Variants in FUT8 observed in about 807,000 individuals in gnomAD.
FUT8 encodes the protein alpha-(1,6)-fucosyltransferase.
A neutral mutation model predicts 71.3 loss-of-function variants in FUT8; 29 were observed. That is an observed-to-expected ratio of 0.41 (90% CI 0.30 to 0.55). FUT8 has a LOEUF of 0.55. Ranked by LOEUF, FUT8 falls within the 20% of genes least tolerant of loss-of-function variation. The pLI is 0.34. For synonymous variants in FUT8, 254 were observed against 239.3 expected (o/e 1.06, Z -0.57); for missense variants, 544 against 702.1 (o/e 0.77, Z 2.55).
At chr14:65,700,414 G>A (rs1196159575) in intron 7 of FUT8, among the ~76,000 whole-genome samples, 5 of 60,266 alleles carry the variant, frequency 8.3e-5, no homozygotes, top group South Asian at 5.0e-4. Context: ...TTTTTGAGAC[G>A]GAGTCTTGCT....
At chr14:65,639,615 C>T (rs923932858) in intron 6 of FUT8, among the ~76,000 whole-genome samples, 5 of 151,946 alleles carry the variant, frequency 3.3e-5, no homozygotes, top group Non-Finnish European at 7.4e-5. Context: ...CTACTATTTC[C>T]CATATCTCTG....
At chr14:65,678,877 A>C (rs573171218) in intron 7 of FUT8, among the ~76,000 whole-genome samples, 2 of 152,304 alleles carry the variant, frequency 1.3e-5, no homozygotes, top group Non-Finnish European at 2.9e-5. Flanking sequence ...GTATCTCTCT[A>C]TTGACTGGAA....
chr14:65,622,270 G>C (rs150246950), intron 5 of FUT8, among the ~76,000 whole-genome samples: 4 of 150,152 alleles, frequency 2.7e-5, no homozygotes, highest in Non-Finnish European at 4.4e-5. Flanking sequence ...TCTCTTCTAC[G>C]TACGGGGATA....
chr14:65,550,260 T>A lies in FUT8; in HGVS notation c.-227-11077T>A, dbSNP rs1306073159. Among the ~76,000 whole-genome samples the A allele has an allele frequency of 6.6e-6, 1 of 152,060 alleles. No homozygotes were observed. Among genetic ancestry groups the A allele is most frequent in the African/African-American group, 2.4e-5 (1 of 41,388 alleles). ...AAGGGAGGAGATACCAGGCTCTTTT[T>A]AACAAGATCATTGTGTGTTCTGATG... On this transcript the variant is annotated intron_variant, in intron 2 of 10. Transcript: ENST00000673929. The surrounding 1 kb of genome is among the most constrained non-coding windows in gnomAD (Gnocchi z 4.5).
Position 65,656,244 on chromosome 14 carries a change from A to G in FUT8, c.598-12999A>G, listed in dbSNP as rs565490041. Among the ~76,000 whole-genome samples the G allele has an allele frequency of 3.9e-5, 6 of 152,336 alleles. No individual in the cohort carries two copies. In the East Asian group the frequency reaches 1.2e-3, roughly 29 times the overall value. On this transcript the variant is annotated intron_variant, in intron 6 of 10. Coordinates refer to ENST00000673929, the MANE Select transcript of FUT8 (RefSeq NM_001371533.1). ...TCCAAAAAAAAAACTACTAGAACTG[A>G]TAAATTCAGTGAGGTTGCAGGTACA...
chr14:65,718,595 A>G (rs1474632665), intron 7 of FUT8, among the ~76,000 whole-genome samples: 1 of 152,140 alleles, frequency 6.6e-6, no homozygotes, highest in African/African-American at 2.4e-5. Flanking sequence ...TTGCCCATTA[A>G]CACCTTTTTT....
intron 3 of FUT8, among the ~76,000 whole-genome samples, chr14:65,577,991 A>G (rs992992370): frequency 6.6e-6 from 1 of 152,138 alleles, no homozygotes; most frequent in Admixed American, 6.5e-5. Context: ...CCAGACCTCT[A>G]GGGAAGAACA....
intron 2 of FUT8, among the ~76,000 whole-genome samples, chr14:65,539,223 C>T (rs1884532148): frequency 6.6e-6 from 1 of 152,148 alleles, no homozygotes; most frequent in Non-Finnish European, 1.5e-5. Flanking sequence ...CACTGTATTT[C>T]ATCGTCCTAA....
rs78910238 is a variant in FUT8 at position 65,578,752 on chromosome 14, A to G, written c.203+16986A>G. 4.1e-3 allele frequency among the ~76,000 whole-genome samples: 626 copies of G among 152,262 alleles called. 16 individuals carry two copies. The East Asian group carries it at 0.075, about 18-fold the overall frequency. Reference sequence around the variant, plus strand: ...AAGCTGTCTGAAGGAGAACAAATATAAATAGATTTCAATATATGTATTAGA... The same window carrying G: ...AAGCTGTCTGAAGGAGAACAAATATGAATAGATTTCAATATATGTATTAGA... On this transcript the variant is annotated intron_variant, in intron 3 of 10. Transcript: ENST00000673929.
At chr14:65,722,682 A>G (rs892704238) in intron 8 of FUT8, among the ~76,000 whole-genome samples, 16 of 152,188 alleles carry the variant, frequency 1.1e-4, no homozygotes, top group African/African-American at 2.7e-4. Flanking sequence ...AACAATTCCA[A>G]TTTCCCCAGA....
At chr14:65,541,401 A>G (rs1350240071) in intron 2 of FUT8, among the ~76,000 whole-genome samples, 1 of 152,240 alleles carries the variant, frequency 6.6e-6, no homozygotes, top group Non-Finnish European at 1.5e-5. Context: ...CTCAAAGGCC[A>G]GAAAACCAGG....
intron 2 of FUT8, among the ~76,000 whole-genome samples, chr14:65,543,580 A>G (rs1237445929): frequency 6.6e-6 from 1 of 152,076 alleles, no homozygotes; most frequent in Admixed American, 6.6e-5. Context: ...GCATTCTTGT[A>G]GGGTATTGTA....
chr14:65,719,914 C>A (rs1401343771), intron 7 of FUT8, among the ~76,000 whole-genome samples: 1 of 152,202 alleles, frequency 6.6e-6, no homozygotes, highest in Non-Finnish European at 1.5e-5. Context: ...GACCTGAAAC[C>A]AGCATAGCAC....
intron 2 of FUT8, among the ~76,000 whole-genome samples, chr14:65,517,313 C>G (rs749561854): frequency 4.6e-5 from 7 of 151,962 alleles, no homozygotes; most frequent in African/African-American, 7.3e-5. Flanking sequence ...TTATTGAATA[C>G]CTTGTATATT....
At chr14:65,572,061 G>A (rs1313231648) in intron 3 of FUT8, among the ~76,000 whole-genome samples, 5 of 152,104 alleles carry the variant, frequency 3.3e-5, no homozygotes, top group Non-Finnish European at 7.4e-5. Flanking sequence ...CAGTGTATAG[G>A]CACAGTGAAT....
At chr14:65,721,474 C>G (rs1381653368) in intron 7 of FUT8, among the ~76,000 whole-genome samples, 2 of 152,242 alleles carry the variant, frequency 1.3e-5, no homozygotes, top group East Asian at 3.9e-4. Context: ...TGTCTACTGT[C>G]ATTCTTTGAT....
intron 6 of FUT8, among the ~76,000 whole-genome samples, chr14:65,665,753 T>C (rs556944221): frequency 2.0e-5 from 3 of 152,184 alleles, no homozygotes; most frequent in Admixed American, 2.0e-4. Flanking sequence ...TGTGCAACCA[T>C]AAAAAAGAAT....
At chr14:65,501,003 G>A (rs986783776) in intron 2 of FUT8, among the ~76,000 whole-genome samples, 2 of 152,172 alleles carry the variant, frequency 1.3e-5, no homozygotes, top group Non-Finnish European at 2.9e-5. Flanking sequence ...TGGAGGAGAG[G>A]CAGTAAATAT....
intron 5 of FUT8, among the ~76,000 whole-genome samples, chr14:65,625,275 C>T (rs939951095): frequency 1.3e-5 from 2 of 151,714 alleles, no homozygotes; most frequent in Non-Finnish European, 2.9e-5. Context: ...AAGTTTTAGC[C>T]GAGCCCTATA....
Sources: gnomAD v4.1 joint callset for allele counts (sites outside exome capture counted in the v4.1 genomes callset) on GRCh38, gnomAD v4.1.1 for gene constraint, Gnocchi (gnomAD v3.1) non-coding constraint, MANE v1.5 for transcripts, NCBI Gene and HGNC (gene_info 2026-07-23, HGNC 2026-07-21) for gene names.